Variants in RAI1 observed in about 807,000 individuals in gnomAD.
RAI1 encodes the protein retinoic acid induced 1, also known as retinoic acid-induced protein 1.
Under a neutral mutation model 123.8 loss-of-function variants are expected in RAI1, and 9 were observed. The observed-to-expected ratio is 0.07, with a 90% CI of 0.04 to 0.13. RAI1 has a LOEUF of 0.13. Among genes scored for constraint, RAI1 ranks in the 10% least tolerant of loss-of-function variants. The pLI, the probability that RAI1 is intolerant of heterozygous loss-of-function variation, is 1.00. For missense variants in RAI1, 2,256 were observed against 2,545.8 expected (o/e 0.89, Z 2.45); for synonymous variants, 1,231 against 1,127.3 (o/e 1.09, Z -1.84).
rs756317126 is a variant in RAI1 at position 17,793,110 on chromosome 17, G to A, written c.162G>A (p.Gln54=). Residue 54 remains glutamine, a synonymous_variant, in exon 3 of 6, where the codon CAG becomes CAA. Coordinates refer to ENST00000353383, the MANE Select transcript of RAI1 (RefSeq NM_030665.4). ...RLLAKDYYNP[Q]PYPSYEGGAG... is the part of the protein sequence containing the mutation. Reference sequence around the variant, plus strand: ...TCGCCAAGGACTATTATAACCCGCAGCCTTACCCGAGCTATGAGGGTGGCG... The same window carrying A: ...TCGCCAAGGACTATTATAACCCGCAACCTTACCCGAGCTATGAGGGTGGCG... 1 of 1,613,978 alleles carries A rather than the reference G, an allele frequency of 6.2e-7. No homozygotes were observed. Among genetic ancestry groups the A allele is most frequent in the Admixed American group, 1.7e-5 (1 of 60,008 alleles).
rs548488812 is a variant in RAI1 at position 17,714,034 on chromosome 17, T to C, written c.-148-9994T>C. Among the ~76,000 whole-genome samples the C allele has an allele frequency of 1.3e-5, 2 of 152,234 alleles. No homozygotes were observed. Among genetic ancestry groups the C allele is most frequent in the Non-Finnish European group, 2.9e-5 (2 of 68,006 alleles). On this transcript the variant is annotated intron_variant, in intron 1 of 5. Coordinates refer to ENST00000353383, the MANE Select transcript of RAI1 (RefSeq NM_030665.4). The surrounding 1 kb of genome is among the most constrained non-coding windows in gnomAD (Gnocchi z 4.9). ...TGGAGAGTGTCCCAGCCGCCCACGA[T>C]GCCTCCACCCAGAGGCTGCCCTGTT... is the stretch of plus-strand genomic sequence containing the variant.
rs1176021948 is a variant in RAI1 at position 17,793,989 on chromosome 17, C to G, written c.1041C>G (p.Ala347=). The change falls in exon 3 of 6, where the codon GCC becomes GCG. Residue 347 remains alanine (A), a synonymous_variant. Transcript: ENST00000353383. The stretch of plus-strand genomic sequence containing the variant: ...GCCCCAGCTCCAGCCACTCACCCGC[C>G]CGCTCCGTGGGCCGCTCACCTTCCT... ...TFSPSSSHSP[A]RSVGRSPSYS... is the part of the protein sequence containing the mutation. The G allele has an allele frequency of 1.9e-6, 3 of 1,613,966 alleles. No individual in the cohort carries two copies. The highest frequency in any genetic ancestry group is 2.5e-6 in the Non-Finnish European group (3 of 1,180,022).
At chr17:17,686,595 G>C (rs1914643690) in intron 1 of RAI1, among the ~76,000 whole-genome samples, 1 of 148,984 alleles carries the variant, frequency 6.7e-6, no homozygotes. Flanking sequence ...GTGTGTGTGT[G>C]TGTGTGTGTG....
intron 2 of RAI1, among the ~76,000 whole-genome samples, chr17:17,775,831 T>C (rs759813321): frequency 3.9e-5 from 6 of 152,220 alleles, no homozygotes; most frequent in Non-Finnish European, 8.8e-5. Context: ...GGCTCAGTTA[T>C]TCCGATGCTG....
intron 1 of RAI1, among the ~76,000 whole-genome samples, chr17:17,692,017 G>A (rs1018399930): frequency 3.9e-5 from 6 of 152,206 alleles, no homozygotes; most frequent in Non-Finnish European, 8.8e-5. Flanking sequence ...AATCCCCACC[G>A]TGGCCCGAAA....
At chr17:17,719,302 G>A (rs753373563) in intron 1 of RAI1, among the ~76,000 whole-genome samples, 4 of 152,088 alleles carry the variant, frequency 2.6e-5, no homozygotes, top group East Asian at 1.9e-4. Flanking sequence ...GTGGCCCCCC[G>A]TCCTCTCTGC....
At chr17:17,689,532 C>G (rs931502916) in intron 1 of RAI1, among the ~76,000 whole-genome samples, 18 of 152,332 alleles carry the variant, frequency 1.2e-4, no homozygotes, top group Middle Eastern at 3.4e-3. Context: ...CACAAACTCT[C>G]ATTCATTCGT....
intron 2 of RAI1, chr17:17,778,834 C>CT (rs773916970): frequency 1.1e-5 from 5 of 456,662 alleles, no homozygotes; most frequent in African/African-American, 2.0e-5. Context: ...AAGAGGCTCT[C>CT]TCCCCCAGAT....
intron 1 of RAI1, among the ~76,000 whole-genome samples, chr17:17,705,853 CT>C (rs1046593266): frequency 6.6e-6 from 1 of 151,574 alleles, no homozygotes; most frequent in Non-Finnish European, 1.5e-5. Flanking sequence ...GTGAAACCCC[CT>C]CTCTACTAAA....
At chr17:17,697,716 T>C (rs1324725909) in intron 1 of RAI1, among the ~76,000 whole-genome samples, 1 of 152,144 alleles carries the variant, frequency 6.6e-6, no homozygotes, top group African/African-American at 2.4e-5. Flanking sequence ...GGCAGGGGGT[T>C]GCTGTTAGGT....
intron 1 of RAI1, among the ~76,000 whole-genome samples, chr17:17,693,302 C>T (rs370207195): frequency 9.2e-5 from 14 of 152,320 alleles, no homozygotes; most frequent in African/African-American, 3.4e-4. Flanking sequence ...CCTCCTGGTC[C>T]CATTCATCTC....
chr17:17,692,896 G>A (rs1914888692), intron 1 of RAI1, among the ~76,000 whole-genome samples: 1 of 152,226 alleles, frequency 6.6e-6, no homozygotes, highest in African/African-American at 2.4e-5. Flanking sequence ...GTCCTAGGTA[G>A]AGGGAGCCAG....
At chr17:17,720,664 A>G (rs569912467) in intron 1 of RAI1, among the ~76,000 whole-genome samples, 1 of 152,316 alleles carries the variant, frequency 6.6e-6, no homozygotes, top group African/African-American at 2.4e-5. Flanking sequence ...GAATCTTGAA[A>G]TTGAGAGTCG....
chr17:17,795,944 G>T lies in RAI1; in HGVS notation c.2996G>T (p.Arg999Leu), dbSNP rs55963067. The change falls in exon 3 of 6, where the codon CGG (arginine) becomes CTG (leucine). Residue 999 changes from arginine (R) to leucine (L), a missense_variant. Physicochemically the swap from Arg to Leu is moderately radical, Grantham distance 102. Transcript: ENST00000353383. The surrounding 1 kb of genome is among the most constrained non-coding windows in gnomAD (Gnocchi z 5.9). Reference sequence around the variant, plus strand: ...CCTGTGCCACGGGGCAAAAGCTTACGGAGCCGTCGGGTGCACCGGGGGCTG... The same window carrying T: ...CCTGTGCCACGGGGCAAAAGCTTACTGAGCCGTCGGGTGCACCGGGGGCTG... ...KEPVPRGKSL[R>L]SRRVHRGLPE... is the part of the protein sequence containing the mutation. 6.2e-7 allele frequency: 1 copy of T among 1,606,688 alleles called. No homozygotes were observed.
At chr17:17,766,644 G>A (rs577538325) in intron 2 of RAI1, among the ~76,000 whole-genome samples, 35 of 152,376 alleles carry the variant, frequency 2.3e-4, no homozygotes, top group Admixed American at 2.0e-3. Flanking sequence ...GCACTGCACT[G>A]TGCGAGGCCC....
Position 17,795,986 on chromosome 17 carries a change from C to G in RAI1, c.3038C>G (p.Ser1013Cys). 1 of 1,600,268 alleles carries G rather than the reference C, an allele frequency of 6.2e-7. No homozygotes were observed. The highest frequency in any genetic ancestry group is 8.5e-7 in the Non-Finnish European group (1 of 1,175,438). ...VHRGLPEAEDSPCRAPVLPKD... is the reference protein window; with the variant it reads ...VHRGLPEAEDCPCRAPVLPKD... The stretch of plus-strand genomic sequence containing the variant: ...CGGGGGCTGCCCGAGGCCGAGGACT[C>G]CCCATGCAGGGCACCAGTGCTGCCC... Residue 1013 changes from serine to cysteine, a missense_variant, in exon 3 of 6, where the codon TCC becomes TGC. Coordinates refer to ENST00000353383, the MANE Select transcript of RAI1 (RefSeq NM_030665.4). This position sits in a 1 kb window ranked among gnomAD's most constrained non-coding sequence, Gnocchi z 5.9.
At position 17,793,812 on chromosome 17, in the gene RAI1, G is replaced by A. The variant is rs2143001769; in HGVS notation, c.864G>A (p.Gln288=). The change falls in exon 3 of 6, where the codon CAG becomes CAA. Residue 288 remains glutamine, a synonymous_variant. Transcript: ENST00000353383. ...AGCAGCAGCAGCAGCAGCAGCAGCA[G>A]CAGCAGCAAGCCCTTCAGAGCCGGC... is the stretch of plus-strand genomic sequence containing the variant. The part of the protein sequence containing the change: ...QQQQQQQQQQ[Q]QQQALQSRHH... 1 of 1,591,012 alleles carries A rather than the reference G, an allele frequency of 6.3e-7. No individual in the cohort carries two copies. The highest frequency in any genetic ancestry group is 8.6e-7 in the Non-Finnish European group (1 of 1,163,276).
At chr17:17,778,408 T>C (rs1377841636) in intron 2 of RAI1, 1 of 266,596 alleles carries the variant, frequency 3.8e-6, no homozygotes, top group South Asian at 4.1e-5. Context: ...CATTATCCCA[T>C]TTCGTCCCAC....
At chr17:17,782,130 G>C (rs920979823) in intron 2 of RAI1, 1 of 151,666 alleles carries the variant, frequency 6.6e-6, no homozygotes, top group African/African-American at 2.4e-5. Flanking sequence ...GTCTTTTCCA[G>C]GCTGAGATTT....
Sources: gnomAD v4.1 joint callset for allele counts (sites outside exome capture counted in the v4.1 genomes callset) on GRCh38, gnomAD v4.1.1 for gene constraint, Gnocchi (gnomAD v3.1) non-coding constraint, MANE v1.5 for transcripts, NCBI Gene and HGNC (gene_info 2026-07-23, HGNC 2026-07-21) for gene names.